GRIK3: variants seen among roughly 807,000 people sequenced by gnomAD.
The protein encoded by GRIK3 is glutamate ionotropic receptor kainate type subunit 3.
A neutral mutation model predicts 102.5 loss-of-function variants in GRIK3; 29 were observed. The ratio of observed to expected loss-of-function variants is 0.28; its 90% CI spans 0.21 to 0.39. The LOEUF is 0.39. Ranked by LOEUF, GRIK3 falls within the 10% of genes least tolerant of loss-of-function variation. The pLI is 1.00. For synonymous variants in GRIK3, 511 were observed against 504.9 expected, an observed-to-expected ratio of 1.01 and a Z score of -0.16; for missense variants, 908 against 1,252.4, an observed-to-expected ratio of 0.73 and a Z score of 4.15.
chr1:36,855,870 G>C (rs1223129689), intron 7 of GRIK3, among the ~76,000 whole-genome samples: 2 of 152,258 alleles, frequency 1.3e-5, no homozygotes, highest in African/African-American at 4.8e-5. Context: ...GACCCTGCCA[G>C]GTGGGCATCA....
chr1:36,855,139 T>C (rs1211599644), intron 7 of GRIK3, among the ~76,000 whole-genome samples: 1 of 152,042 alleles, frequency 6.6e-6, no homozygotes, highest in Non-Finnish European at 1.5e-5. Context: ...CACAGCCAGA[T>C]TGGGCCAGAG....
intron 1 of GRIK3, among the ~76,000 whole-genome samples, chr1:37,011,893 C>T (rs117574676): frequency 6.6e-6 from 1 of 152,276 alleles, no homozygotes; most frequent in East Asian, 1.9e-4. Context: ...GATGCCAGGG[C>T]TTCCAGAGTG....
intron 1 of GRIK3, among the ~76,000 whole-genome samples, chr1:36,941,202 C>T (rs1215753523): frequency 6.6e-6 from 1 of 152,158 alleles, no homozygotes; most frequent in Non-Finnish European, 1.5e-5. Context: ...ACCAAAAATC[C>T]AGGCAGCCTG....
In GRIK3 at chr1:36,868,807, C is replaced by A. The variant is rs1319214731; in HGVS notation, c.786+941G>T. On this transcript the variant is annotated intron_variant, in intron 5 of 15. Transcript: ENST00000373091. ...TTCAAGTATCTGGTTTTCTGTAAGA[C>A]TGCCTCAAACTTCCCGCCTTCCACC... Among the ~76,000 whole-genome samples, 4 of 152,340 alleles carry A rather than the reference C, an allele frequency of 2.6e-5. No individual in the cohort carries two copies. The East Asian group carries it at 7.7e-4, about 29-fold the overall frequency.
Position 36,798,282 on chromosome 1 carries a change from G to A in GRIK3, c.*3569C>T, listed in dbSNP as rs1162693582. On this transcript the variant is annotated 3_prime_UTR_variant, in exon 16 of 16. Coordinates refer to ENST00000373091, the MANE Select transcript of GRIK3 (RefSeq NM_000831.4). ...CCCTCAACTTGGCCAGCTTGAGCAGGTGGAGAGGAGGCACTTGCATTTGGG... is the reference window on the plus strand; with the variant it reads ...CCCTCAACTTGGCCAGCTTGAGCAGATGGAGAGGAGGCACTTGCATTTGGG... 2.6e-5 allele frequency: 4 copies of A among 152,330 alleles called. No individual in the cohort carries two copies. Among genetic ancestry groups the A allele is most frequent in the African/African-American group, 9.6e-5 (4 of 41,460 alleles). The allele number at this position is 152,330 out of a possible 1,614,324, so 9.4% of individuals were successfully genotyped here. A position where few individuals can be genotyped will look rare whatever the true frequency, so the allele number is the denominator to read the frequency against.
intron 1 of GRIK3, among the ~76,000 whole-genome samples, chr1:37,014,543 C>T (rs3753776): frequency 0.31 from 46,771 of 152,214 alleles, 7,755 homozygotes; most frequent in East Asian, 0.54. Flanking sequence ...TCTGGTTTCT[C>T]CAGGAAAACT....
At chr1:36,995,467 T>C (rs1170661825) in intron 1 of GRIK3, among the ~76,000 whole-genome samples, 3 of 152,234 alleles carry the variant, frequency 2.0e-5, no homozygotes, top group Non-Finnish European at 4.4e-5. Context: ...TGGTTACTTC[T>C]GGCTATTTCT....
chr1:36,858,399 A>G (rs1453528821), intron 7 of GRIK3, among the ~76,000 whole-genome samples: 1 of 152,264 alleles, frequency 6.6e-6, no homozygotes, highest in Non-Finnish European at 1.5e-5. Context: ...AAATGGGGAC[A>G]ATAAGCCCTG....
intron 11 of GRIK3, among the ~76,000 whole-genome samples, chr1:36,822,232 G>A (rs1642702906): frequency 1.3e-5 from 2 of 152,258 alleles, no homozygotes; most frequent in South Asian, 4.1e-4. Context: ...ATGCTAAAGT[G>A]TGGCTCAATG....
chr1:36,956,456 G>A (rs898444439), intron 1 of GRIK3, among the ~76,000 whole-genome samples: 3 of 152,176 alleles, frequency 2.0e-5, no homozygotes, highest in Non-Finnish European at 4.4e-5. Context: ...ATGCCCACCG[G>A]AGAGGGAAAA....
At chr1:36,873,125 CA>C (rs543672871) in intron 3 of GRIK3, among the ~76,000 whole-genome samples, 41 of 152,328 alleles carry the variant, frequency 2.7e-4, no homozygotes, top group African/African-American at 9.9e-4. Flanking sequence ...CCTCTGGCCC[CA>C]CCTCATTCCC....
chr1:36,871,551 C>T (rs1023541831), intron 4 of GRIK3, among the ~76,000 whole-genome samples: 3 of 152,200 alleles, frequency 2.0e-5, no homozygotes, highest in Admixed American at 6.5e-5. Context: ...GGGTGGTAGG[C>T]GATTTCACTG....
chr1:36,991,957 C>A (rs548333870), intron 1 of GRIK3, among the ~76,000 whole-genome samples: 1 of 152,268 alleles, frequency 6.6e-6, no homozygotes, highest in East Asian at 1.9e-4. Flanking sequence ...CTGTTCCCAG[C>A]AGTAGATGGG....
intron 1 of GRIK3, among the ~76,000 whole-genome samples, chr1:36,945,609 G>A (rs1197605307): frequency 6.6e-6 from 1 of 152,192 alleles, no homozygotes; most frequent in East Asian, 1.9e-4. Context: ...CAATTTAGAG[G>A]CACAATCTGA....
intron 1 of GRIK3, among the ~76,000 whole-genome samples, chr1:36,983,446 G>A (rs1474258232): frequency 6.6e-6 from 1 of 152,048 alleles, no homozygotes; most frequent in African/African-American, 2.4e-5. Flanking sequence ...ATAACTCCAG[G>A]GAACACTCAT....
chr1:36,874,399 T>C (rs151191028), intron 3 of GRIK3, among the ~76,000 whole-genome samples: 4 of 152,204 alleles, frequency 2.6e-5, no homozygotes, highest in Admixed American at 2.6e-4. Flanking sequence ...CCCAGCCCAC[T>C]GAAGACTCAA....
At position 36,985,720 on chromosome 1, in the gene GRIK3, C is replaced by CT. The variant is rs200401418; in HGVS notation, c.115+48273dup. The stretch of plus-strand genomic sequence containing the variant: ...GACTGCTGAATGGCAGAGGGCAACT[C>CT]TTCAGAGGCTATGCCCTAAGCTGCT... On this transcript the variant is annotated intron_variant, in intron 1 of 15. Coordinates refer to ENST00000373091, the MANE Select transcript of GRIK3 (RefSeq NM_000831.4). Among the ~76,000 whole-genome samples, 873 of 152,294 alleles carry CT rather than the reference C, an allele frequency of 5.7e-3. 10 individuals carry two copies. The highest frequency in any genetic ancestry group is 0.019 in the African/African-American group (794 of 41,562).
chr1:36,970,186 A>G (rs1642126370), intron 1 of GRIK3, among the ~76,000 whole-genome samples: 1 of 152,130 alleles, frequency 6.6e-6, no homozygotes, highest in Admixed American at 6.5e-5. Context: ...CCAACTACAC[A>G]GTTTCTGCAA....
At chr1:36,960,811 C>A (rs56106850) in intron 1 of GRIK3, among the ~76,000 whole-genome samples, 1 of 152,186 alleles carries the variant, frequency 6.6e-6, no homozygotes, top group African/African-American at 2.4e-5. Flanking sequence ...CTCCTTCCCC[C>A]ACCCTGCGAT....
Sources: gnomAD v4.1 joint callset for allele counts (sites outside exome capture counted in the v4.1 genomes callset) on GRCh38, gnomAD v4.1.1 for gene constraint, MANE v1.5 for transcripts, NCBI Gene and HGNC (gene_info 2026-07-23, HGNC 2026-07-21) for gene names.